GPHN: variants seen among roughly 807,000 people sequenced by gnomAD.
The protein encoded by GPHN is gephyrin.
In GPHN, 17 loss-of-function variants were observed where a neutral mutation model predicts 95.5. That is an observed-to-expected ratio of 0.18 (90% CI 0.12 to 0.27). The LOEUF is 0.27. Among genes scored for constraint, GPHN ranks in the 10% least tolerant of loss-of-function variants. The probability of loss-of-function intolerance (pLI) is 1.00; values close to 1 mark genes in which losing one functional copy is unlikely to be tolerated. For synonymous variants in GPHN, 320 were observed against 322.5 expected, an observed-to-expected ratio of 0.99 and a Z score of 0.08; for missense variants, 660 against 978.1, an observed-to-expected ratio of 0.67 and a Z score of 4.34.
chr14:66,518,728 G>A (rs1460074023), intron 1 of GPHN, among the ~76,000 whole-genome samples: 1 of 152,078 alleles, frequency 6.6e-6, no homozygotes, highest in Non-Finnish European at 1.5e-5. Flanking sequence ...AAATAAGCCA[G>A]GAATGGAAAG....
At chr14:67,130,617 A>G (rs981762184) in intron 17 of GPHN, among the ~76,000 whole-genome samples, 4 of 152,148 alleles carry the variant, frequency 2.6e-5, no homozygotes, top group Admixed American at 2.0e-4. Context: ...TCTTCTGGAT[A>G]TATACCCAGT....
At chr14:67,579,169 G>A in the GPHN span, 232 of 1,606,080 alleles carry the variant, frequency 1.4e-4, no homozygotes, top group Non-Finnish European at 1.9e-4. Context: ...TACTGCCAGC[G>A]GGCAGTGGAG....
At chr14:66,808,622 C>T (rs1414318122) in intron 3 of GPHN, among the ~76,000 whole-genome samples, 1 of 152,126 alleles carries the variant, frequency 6.6e-6, no homozygotes, top group Non-Finnish European at 1.5e-5. Context: ...CATGGTGAAA[C>T]CCCATCTCTA....
the GPHN span, among the ~76,000 whole-genome samples, chr14:67,331,243 C>G: frequency 6.6e-6 from 1 of 152,066 alleles, no homozygotes; most frequent in Non-Finnish European, 1.5e-5. Flanking sequence ...CGGGGTTTTG[C>G]CCTGTTGGCC....
intron 10 of GPHN, 67 bp from the exon 11 acceptor site, chr14:67,058,581 AT>A (rs2075696334): frequency 8.1e-6 from 11 of 1,358,096 alleles, no homozygotes; most frequent in Non-Finnish European, 1.2e-5. Context: ...TTGTGATATT[AT>A]AAGTCATTGC....
Position 66,922,952 on chromosome 14 carries a change from G to C in GPHN, c.729+14G>C. The stretch of plus-strand genomic sequence containing the variant: ...ATTGCTGCCAAGGTAAGCCTGATGA[G>C]AGTTACTCAGAGGCCTAAAGGACCC... On this transcript the variant is annotated intron_variant, in intron 7 of 22. Transcript: ENST00000478722. 1.2e-6 allele frequency: 2 copies of C among 1,607,880 alleles called. No homozygotes were observed. Among genetic ancestry groups the C allele is most frequent in the Non-Finnish European group, 1.7e-6 (2 of 1,177,594 alleles).
chr14:67,649,969 C>T, the GPHN span: 1 of 152,202 alleles, frequency 6.6e-6, no homozygotes, highest in Non-Finnish European at 1.5e-5. Context: ...TTAAGCTTCC[C>T]TTCCACTTGC....
chr14:67,482,056 C>A, the GPHN span, among the ~76,000 whole-genome samples: 2 of 152,192 alleles, frequency 1.3e-5, no homozygotes, highest in Non-Finnish European at 2.9e-5. Flanking sequence ...ATCCGAGAGT[C>A]CTCATACCTG....
intron 18 of GPHN, among the ~76,000 whole-genome samples, chr14:67,154,849 T>A (rs2153713470): frequency 6.6e-6 from 1 of 151,994 alleles, no homozygotes; most frequent in South Asian, 2.1e-4. Flanking sequence ...CTATGTAAAA[T>A]TTTTTAAAGA....
chr14:66,737,220 C>T (rs1208032139), intron 2 of GPHN, among the ~76,000 whole-genome samples: 2 of 152,098 alleles, frequency 1.3e-5, no homozygotes, highest in Admixed American at 6.5e-5. Flanking sequence ...CCTTCCTCTT[C>T]CTGTTCTCCC....
At chr14:67,544,841 C>T in the GPHN span, among the ~76,000 whole-genome samples, 9 of 152,170 alleles carry the variant, frequency 5.9e-5, no homozygotes, top group South Asian at 4.1e-4. Flanking sequence ...TACAGAAATA[C>T]AAATACAGCA....
At chr14:67,204,627 C>T in the GPHN span, 2 of 1,613,756 alleles carry the variant, frequency 1.2e-6, no homozygotes, top group African/African-American at 2.7e-5. Context: ...GAGCCTACTA[C>T]TTACAGCTCT....
At chr14:67,438,055 T>G in the GPHN span, among the ~76,000 whole-genome samples, 1 of 152,036 alleles carries the variant, frequency 6.6e-6, no homozygotes, top group South Asian at 2.1e-4. Flanking sequence ...GACAAAGGGC[T>G]CCCAGTCTAG....
the GPHN span, among the ~76,000 whole-genome samples, chr14:67,638,392 T>C: frequency 6.6e-6 from 1 of 151,788 alleles, no homozygotes; most frequent in African/African-American, 2.4e-5. Flanking sequence ...AAAAAAATGA[T>C]TAAAGTCTGA....
chr14:66,906,460 C>G (rs1383685995), intron 5 of GPHN, among the ~76,000 whole-genome samples: 22 of 152,156 alleles, frequency 1.4e-4, no homozygotes, highest in Admixed American at 1.4e-3. Context: ...GGAAAATTTT[C>G]TACATGCTTC....
the GPHN span, among the ~76,000 whole-genome samples, chr14:67,396,078 C>T: frequency 3.3e-5 from 5 of 152,200 alleles, no homozygotes; most frequent in African/African-American, 1.2e-4. Context: ...TCAAGTCTTT[C>T]ACACATTTCT....
At chr14:67,106,665 A>G (rs921089161) in intron 13 of GPHN, among the ~76,000 whole-genome samples, 1 of 151,796 alleles carries the variant, frequency 6.6e-6, no homozygotes, top group African/African-American at 2.4e-5. Flanking sequence ...GTTCTTTTTT[A>G]TGATTTCTCT....
At chr14:66,954,410 C>A (rs1243050006) in intron 8 of GPHN, among the ~76,000 whole-genome samples, 1 of 151,978 alleles carries the variant, frequency 6.6e-6, no homozygotes, top group African/African-American at 2.4e-5. Context: ...GACTTGTTTT[C>A]TTAATTTTAT....
the GPHN span, among the ~76,000 whole-genome samples, chr14:67,713,430 G>T: frequency 6.8e-6 from 1 of 146,850 alleles, no homozygotes; most frequent in African/African-American, 2.5e-5. Context: ...AAAAAGAGGG[G>T]ATGTACAGCA....
Sources: allele counts gnomAD v4.1 joint callset (sites outside exome capture counted in the v4.1 genomes callset), GRCh38; gene constraint gnomAD v4.1.1; transcripts MANE v1.5; gene names NCBI Gene and HGNC (gene_info 2026-07-23, HGNC 2026-07-21).